The following PCDHGA10 variants were observed in gnomAD, a reference collection of about 807,000 sequenced individuals.
The protein encoded by PCDHGA10 is protocadherin gamma subfamily A, 10, also known as protocadherin gamma-A10.
A neutral mutation model predicts 59.5 loss-of-function variants in PCDHGA10; 42 were observed. That is an observed-to-expected ratio of 0.71 (90% CI 0.55 to 0.91). The LOEUF is 0.91. PCDHGA10 is among the 40% of genes least tolerant of loss of function. The pLI is 0.00. For synonymous variants in PCDHGA10, 511 were observed against 517.2 expected, an observed-to-expected ratio of 0.99 and a Z score of 0.16; for missense variants, 1,111 against 1,198.2, an observed-to-expected ratio of 0.93 and a Z score of 1.07.
intron 1 of PCDHGA10, among the ~76,000 whole-genome samples, chr5:141,434,831 A>T (rs1328843764): frequency 6.6e-6 from 1 of 151,904 alleles, no homozygotes; most frequent in East Asian, 1.9e-4. Flanking sequence ...TACACTTGGC[A>T]TTTATAAAGC....
chr5:141,430,904 T>C (rs2097322701), intron 1 of PCDHGA10: 5 of 1,606,730 alleles, frequency 3.1e-6, no homozygotes, highest in Middle Eastern at 1.7e-4. Context: ...GGGCGACATC[T>C]CCAGGGACCT....
intron 3 of PCDHGA10, among the ~76,000 whole-genome samples, chr5:141,505,868 G>T (rs2099848820): frequency 6.6e-6 from 1 of 152,170 alleles, no homozygotes; most frequent in Admixed American, 6.5e-5. Context: ...GGACCCCAAA[G>T]GGTTGTTGTA....
intron 1 of PCDHGA10, chr5:141,421,172 G>A: frequency 7.3e-7 from 1 of 1,366,164 alleles, no homozygotes; most frequent in Non-Finnish European, 9.8e-7. Context: ...AGATACATAA[G>A]CCGATTCACA....
Position 141,456,055 on chromosome 5 carries a change from G to A in PCDHGA10, c.2437-38752G>A, listed in dbSNP as rs78682041. On this transcript the variant is annotated intron_variant, in intron 1 of 3. Coordinates refer to ENST00000398610, the MANE Select transcript of PCDHGA10 (RefSeq NM_018913.3). Reference sequence around the variant, plus strand: ...TGGGACTACAGGCGCCCACCACCACGTCCGGCTAATTTTTTGTATTTTCAG... The same window carrying A: ...TGGGACTACAGGCGCCCACCACCACATCCGGCTAATTTTTTGTATTTTCAG... Among the ~76,000 whole-genome samples, 302 of 151,836 alleles carry A rather than the reference G, an allele frequency of 2.0e-3. 1 individual carries two copies. The highest frequency in any genetic ancestry group is 0.01 in the Middle Eastern group (3 of 292).
chr5:141,450,663 T>C (rs957466690), intron 1 of PCDHGA10, among the ~76,000 whole-genome samples: 1 of 151,652 alleles, frequency 6.6e-6, no homozygotes, highest in Non-Finnish European at 1.5e-5. Flanking sequence ...ATTTTTGTAC[T>C]TTTAGTAGAA....
At chr5:141,443,392 T>A (rs151260637) in intron 1 of PCDHGA10, among the ~76,000 whole-genome samples, 1 of 151,662 alleles carries the variant, frequency 6.6e-6, no homozygotes, top group Non-Finnish European at 1.5e-5. Context: ...GGCTGAGGTG[T>A]GAGGATCACC....
chr5:141,414,378 C>T lies in PCDHGA10; in HGVS notation c.1203C>T (p.Ser401=), dbSNP rs958748519. The part of the protein sequence containing the change: ...LAYLPFKLEK[S]IDSYYRLVIH... ...ATCTACCATTTAAATTAGAAAAGTC[C>T]ATTGACAGTTATTACAGATTGGTGA... Residue 401 remains serine (S), a synonymous_variant, in exon 1 of 4, where the codon TCC becomes TCT. Coordinates refer to ENST00000398610, the MANE Select transcript of PCDHGA10 (RefSeq NM_018913.3). 3.1e-6 allele frequency: 5 copies of T among 1,613,736 alleles called. No individual in the cohort carries two copies. In the African/African-American group the frequency reaches 5.3e-5, roughly 17 times the overall value.
rs70988802 is a variant in PCDHGA10 at position 141,450,006 on chromosome 5, C to CTATTTTTTTT, written c.2436+34396_2436+34397insATTTTTTTTT. ...CACATTGCATTTAGTTGCCATGTCTCTTTTTTTTTTTTTTTTTTGAGACAG... is the reference window on the plus strand; with the variant it reads ...CACATTGCATTTAGTTGCCATGTCTCTATTTTTTTTTTTTTTTTTTTTTTTTTTGAGACAG... On this transcript the variant is annotated intron_variant, in intron 1 of 3. Transcript: ENST00000398610. Among the ~76,000 whole-genome samples the CTATTTTTTTT allele has an allele frequency of 3.0e-5, 4 of 132,980 alleles. 1 individual carries two copies. The highest frequency in any genetic ancestry group is 5.6e-5 in the African/African-American group (2 of 35,572). 87.2% of individuals were successfully genotyped at this position (132,980 alleles called of 152,430 possible). A position where few individuals can be genotyped will look rare whatever the true frequency, so the allele number is the denominator to read the frequency against.
At chr5:141,425,686 A>C (rs1026122573) in intron 1 of PCDHGA10, among the ~76,000 whole-genome samples, 4 of 152,252 alleles carry the variant, frequency 2.6e-5, no homozygotes, top group Non-Finnish European at 5.9e-5. Context: ...AATACTGCAT[A>C]TCATTTCATA....
intron 1 of PCDHGA10, among the ~76,000 whole-genome samples, chr5:141,452,199 G>T (rs2098736057): frequency 1.3e-5 from 2 of 151,778 alleles, no homozygotes; most frequent in African/African-American, 4.8e-5. Flanking sequence ...AATTGTTTTA[G>T]ATGTTACCAA....
At chr5:141,474,016 G>A (rs1286684019) in intron 1 of PCDHGA10, among the ~76,000 whole-genome samples, 1 of 152,128 alleles carries the variant, frequency 6.6e-6, no homozygotes, top group Non-Finnish European at 1.5e-5. Context: ...GTTACAGTGA[G>A]CTATGATTAT....
At chr5:141,503,916 C>T (rs1372491893) in intron 2 of PCDHGA10, among the ~76,000 whole-genome samples, 1 of 152,246 alleles carries the variant, frequency 6.6e-6, no homozygotes, top group African/African-American at 2.4e-5. Context: ...CAACGCAACA[C>T]ACACACAGAC....
At position 141,511,648 on chromosome 5, in the gene PCDHGA10, G is replaced by T. The variant is rs553080689; in HGVS notation, c.*475G>T. The T allele has an allele frequency of 1.4e-5, 3 of 214,700 alleles. No homozygotes were observed. Among genetic ancestry groups the T allele is most frequent in the East Asian group, 2.1e-4 (2 of 9,414 alleles). The allele number at this position is 214,700 out of a possible 1,614,324, so 13.3% of individuals were successfully genotyped here. A position where few individuals can be genotyped will look rare whatever the true frequency, so the allele number is the denominator to read the frequency against. On this transcript the variant is annotated 3_prime_UTR_variant, in exon 4 of 4. Coordinates refer to ENST00000398610, the MANE Select transcript of PCDHGA10 (RefSeq NM_018913.3). ...AGTTGGAAGGGCATCATGACCTCTTGGCCTCTCCTTTGATTCTCAATCTTC... is the reference window on the plus strand; with the variant it reads ...AGTTGGAAGGGCATCATGACCTCTTTGCCTCTCCTTTGATTCTCAATCTTC...
chr5:141,422,513 G>T, intron 1 of PCDHGA10: 2 of 1,614,000 alleles, frequency 1.2e-6, no homozygotes, highest in Non-Finnish European at 1.7e-6. Context: ...ACAGACCAGG[G>T]AAGCCCGCCT....
Position 141,413,446 on chromosome 5 carries a change from G to T in PCDHGA10, c.271G>T (p.Ala91Ser). Reference sequence around the variant, plus strand: ...CCCGCGCAGCGGCAGCTTGATCACCGCGGGCAGGATAGACCGGGAGGAGCT... The same window carrying T: ...CCCGCGCAGCGGCAGCTTGATCACCTCGGGCAGGATAGACCGGGAGGAGCT... ...LNPRSGSLIT[A>S]GRIDREELCA... The change falls in exon 1 of 4, where the codon GCG (alanine) becomes TCG (serine). Residue 91 changes from alanine (A) to serine (S), a missense_variant. Coordinates refer to ENST00000398610, the MANE Select transcript of PCDHGA10 (RefSeq NM_018913.3). 2.5e-6 allele frequency: 4 copies of T among 1,614,130 alleles called. No homozygotes were observed. The highest frequency in any genetic ancestry group is 3.4e-6 in the Non-Finnish European group (4 of 1,179,970).
rs1254680765 is a variant in PCDHGA10 at position 141,491,399 on chromosome 5, A to G, written c.2437-3408A>G. ...CTGTCAGCGAAGTGCCTTCAGGGAA[A>G]CGCAGACGGGGACGGGGGTGGAGGG... On this transcript the variant is annotated intron_variant, in intron 1 of 3. Transcript: ENST00000398610. This position sits in a 1 kb window ranked among gnomAD's most constrained non-coding sequence, Gnocchi z 6.9. 3 of 1,613,998 alleles carry G rather than the reference A, an allele frequency of 1.9e-6. No homozygotes were observed. Among genetic ancestry groups the G allele is most frequent in the Non-Finnish European group, 2.5e-6 (3 of 1,180,028 alleles).
chr5:141,418,069 G>T, intron 1 of PCDHGA10: 4 of 1,614,042 alleles, frequency 2.5e-6, no homozygotes, highest in South Asian at 2.2e-5. Flanking sequence ...GAGTGAGCGC[G>T]GAGAAGCTGC....
Position 141,432,110 on chromosome 5 carries a change from G to T in PCDHGA10, c.2436+16499G>T, listed in dbSNP as rs768038692. The T allele has an allele frequency of 6.2e-7, 1 of 1,614,108 alleles. No homozygotes were observed. Among genetic ancestry groups the T allele is most frequent in the Non-Finnish European group, 8.5e-7 (1 of 1,180,036 alleles). ...GGCAGACACCAACGACAACCCGCCG[G>T]TCTTCCCTCAGGCCTCCTATTCCGC... On this transcript the variant is annotated intron_variant, in intron 1 of 3. Coordinates refer to ENST00000398610, the MANE Select transcript of PCDHGA10 (RefSeq NM_018913.3). The surrounding 1 kb of genome is among the most constrained non-coding windows in gnomAD (Gnocchi z 6.0).
chr5:141,480,402 G>A (rs1268532373), intron 1 of PCDHGA10, among the ~76,000 whole-genome samples: 2 of 145,838 alleles, frequency 1.4e-5, no homozygotes, highest in African/African-American at 2.6e-5. Flanking sequence ...GCAATAGAGT[G>A]AGACCCTGTC....
Sources: gnomAD v4.1 joint callset for allele counts (sites outside exome capture counted in the v4.1 genomes callset) on GRCh38, gnomAD v4.1.1 for gene constraint, Gnocchi (gnomAD v3.1) non-coding constraint, MANE v1.5 for transcripts, NCBI Gene and HGNC (gene_info 2026-07-23, HGNC 2026-07-21) for gene names.